The following SCRN1 variants were observed in gnomAD, a reference collection of about 807,000 sequenced individuals.
The protein encoded by SCRN1 is secernin-1.
Under a neutral mutation model 43.3 loss-of-function variants are expected in SCRN1, and 19 were observed. That is an observed-to-expected ratio of 0.44 (90% CI 0.31 to 0.64). The LOEUF is 0.64. SCRN1 is among the 30% of genes least tolerant of loss of function. The pLI, the probability that SCRN1 is intolerant of heterozygous loss-of-function variation, is 0.09. For missense variants in SCRN1, 447 were observed against 524.1 expected, an observed-to-expected ratio of 0.85 and a Z score of 1.44; for synonymous variants, 183 against 188.9, an observed-to-expected ratio of 0.97 and a Z score of 0.26.
chr7:29,946,395 CT>C (rs1481265163), intron 3 of SCRN1, among the ~76,000 whole-genome samples: 3 of 152,256 alleles, frequency 2.0e-5, no homozygotes, highest in African/African-American at 4.8e-5. Context: ...TGGTAGCCCC[CT>C]GGTCACAATG....
chr7:29,936,069 AG>A (rs1473619244), intron 6 of SCRN1, among the ~76,000 whole-genome samples: 1 of 152,232 alleles, frequency 6.6e-6, no homozygotes, highest in East Asian at 1.9e-4. Flanking sequence ...GTCTTAAAGA[AG>A]GGGCCAGTAC....
intron 1 of SCRN1, among the ~76,000 whole-genome samples, chr7:29,986,212 G>T (rs573623174): frequency 4.3e-4 from 66 of 152,358 alleles, no homozygotes; most frequent in Middle Eastern, 3.4e-3. Flanking sequence ...CTCTAGCCTG[G>T]GTGACGGAGG....
Position 29,927,478 on chromosome 7 carries a change from T to C in SCRN1, c.906-846A>G, listed in dbSNP as rs6952404. 5.8e-3 allele frequency among the ~76,000 whole-genome samples: 877 copies of C among 151,572 alleles called. 14 individuals are homozygous for C. The highest frequency in any genetic ancestry group is 0.02 in the African/African-American group (844 of 41,248). On this transcript the variant is annotated intron_variant, in intron 6 of 7. Coordinates refer to ENST00000242059, the MANE Select transcript of SCRN1 (RefSeq NM_014766.5). ...CAACTGTAACGCCGGGGAGAGAGCCTTATCCTACCCTCCCCACATCCAGAG... is the reference window on the plus strand; with the variant it reads ...CAACTGTAACGCCGGGGAGAGAGCCCTATCCTACCCTCCCCACATCCAGAG...
chr7:29,967,748 C>A (rs1000439120), intron 2 of SCRN1, among the ~76,000 whole-genome samples: 1 of 152,138 alleles, frequency 6.6e-6, no homozygotes, highest in African/African-American at 2.4e-5. Flanking sequence ...GACAGAACAA[C>A]AACTAAACAA....
In SCRN1 at chr7:29,940,777, G is replaced by T. The variant is rs777871607; in HGVS notation, c.644C>A (p.Thr215Lys). ...GGAAAAATTGAACTCGCCCTCTCCC[G>T]TCCACCAACCTTGGCTCTGAGCGTA... is the stretch of plus-strand genomic sequence containing the variant. Reference protein sequence around the residue: ...RSYAQSQGWWTGEGEFNFSEV... With the variant: ...RSYAQSQGWWKGEGEFNFSEV... The change falls in exon 5 of 8, where the codon ACG becomes AAG. Residue 215 changes from threonine to lysine, a missense_variant. Coordinates refer to ENST00000242059, the MANE Select transcript of SCRN1 (RefSeq NM_014766.5). 6 of 1,609,960 alleles carry T rather than the reference G, an allele frequency of 3.7e-6. No homozygotes were observed. The East Asian group carries it at 1.3e-4, about 36-fold the overall frequency.
intron 2 of SCRN1, among the ~76,000 whole-genome samples, chr7:29,956,858 C>T (rs1484295073): frequency 6.6e-6 from 1 of 152,032 alleles, no homozygotes; most frequent in African/African-American, 2.4e-5. Context: ...AAAAATGATT[C>T]TTGTAGAGCA....
intron 1 of SCRN1, among the ~76,000 whole-genome samples, chr7:29,983,513 T>A (rs778941981): frequency 2.0e-5 from 3 of 152,128 alleles, no homozygotes; most frequent in Admixed American, 6.5e-5. Flanking sequence ...AGAATGTTCC[T>A]GTTCTTTGCT....
chr7:29,981,177 T>C (rs959225607), intron 1 of SCRN1, among the ~76,000 whole-genome samples: 7 of 149,994 alleles, frequency 4.7e-5, no homozygotes, highest in African/African-American at 1.7e-4. Flanking sequence ...CACTGCTAAG[T>C]GCAATAAAAA....
intron 1 of SCRN1, among the ~76,000 whole-genome samples, chr7:29,976,889 G>A (rs769612293): frequency 6.6e-6 from 1 of 152,332 alleles, no homozygotes; most frequent in African/African-American, 2.4e-5. Flanking sequence ...CTGTACTCTC[G>A]TAACTAGGAG....
intron 1 of SCRN1, among the ~76,000 whole-genome samples, chr7:29,972,119 T>C (rs1171421122): frequency 6.6e-6 from 1 of 152,186 alleles, no homozygotes; most frequent in Non-Finnish European, 1.5e-5. Context: ...AAGAAAGACC[T>C]AGAATAATTA....
chr7:29,955,452 T>C, intron 2 of SCRN1, 92 bp from the exon 3 acceptor site: 1 of 1,258,770 alleles, frequency 7.9e-7, no homozygotes, highest in Non-Finnish European at 1.1e-6. Flanking sequence ...TCATATTAGT[T>C]ACAAACAGAG....
chr7:29,927,848 T>TG (rs1403756216), intron 6 of SCRN1, among the ~76,000 whole-genome samples: 2 of 152,126 alleles, frequency 1.3e-5, no homozygotes, highest in Non-Finnish European at 2.9e-5. Context: ...GGGCAAGGTA[T>TG]GGTGGCTCAC....
At chr7:29,924,591 C>G (rs1786879526) in intron 7 of SCRN1, among the ~76,000 whole-genome samples, 1 of 152,244 alleles carries the variant, frequency 6.6e-6, no homozygotes, top group Non-Finnish European at 1.5e-5. Context: ...ACCGTTCCCC[C>G]TGCCATGGGC....
intron 1 of SCRN1, among the ~76,000 whole-genome samples, chr7:29,979,681 A>C (rs1788941537): frequency 6.6e-6 from 1 of 152,224 alleles, no homozygotes; most frequent in African/African-American, 2.4e-5. Flanking sequence ...TGCAGTCTTC[A>C]TGCACATCTA....
chr7:29,974,684 TC>T (rs1392959871), intron 1 of SCRN1, among the ~76,000 whole-genome samples: 24 of 149,736 alleles, frequency 1.6e-4, no homozygotes, highest in African/African-American at 5.2e-4. Flanking sequence ...TTTCTTTCTT[TC>T]TTTTTTTTTT....
intron 2 of SCRN1, among the ~76,000 whole-genome samples, chr7:29,966,014 T>A (rs1056794583): frequency 3.9e-5 from 6 of 151,946 alleles, no homozygotes; most frequent in Non-Finnish European, 5.9e-5. Flanking sequence ...TGCTCATGGA[T>A]TTGAACAGCA....
chr7:29,940,977 T>TAC, intron 4 of SCRN1, 101 bp from the exon 5 acceptor site: 2 of 981,212 alleles, frequency 2.0e-6, no homozygotes, highest in Non-Finnish European at 2.8e-6. Flanking sequence ...ACACTGACTT[T>TAC]AACTACAGGG....
At chr7:29,989,883 G>C (rs1789311468), upstream of SCRN1, 1 of 1,009,120 alleles carries the variant, frequency 9.9e-7, no homozygotes, top group Non-Finnish European at 1.2e-6. Flanking sequence ...CCCCCACCCC[G>C]GCCCCCGGGG....
At chr7:29,947,295 GC>G (rs1431227057) in intron 3 of SCRN1, 1 of 1,550,778 alleles carries the variant, frequency 6.4e-7, no homozygotes, top group Admixed American at 2.0e-5. Flanking sequence ...AGCTCACCCT[GC>G]CCGTTCCTGA....
Sources: allele counts gnomAD v4.1 joint callset (sites outside exome capture counted in the v4.1 genomes callset), GRCh38; gene constraint gnomAD v4.1.1; transcripts MANE v1.5; gene names NCBI Gene and HGNC (gene_info 2026-07-23, HGNC 2026-07-21).